The following TAF3 variants were observed in gnomAD, a reference collection of about 807,000 sequenced individuals.
TAF3 encodes TATA-box binding protein associated factor 3, also known as transcription initiation factor TFIID subunit 3.
A neutral mutation model predicts 80.6 loss-of-function variants in TAF3; 7 were observed. That is an observed-to-expected ratio of 0.09 (90% CI 0.05 to 0.16). The LOEUF is 0.16. Among genes scored for constraint, TAF3 ranks in the 10% least tolerant of loss-of-function variants. TAF3 has a pLI of 1.00. For synonymous variants in TAF3, 444 were observed against 446.1 expected (o/e 1.00, Z 0.06); for missense variants, 921 against 1,140.2 (o/e 0.81, Z 2.77).
At chr10:7,896,647 G>T (rs762029769) in intron 2 of TAF3, among the ~76,000 whole-genome samples, 32 of 152,154 alleles carry the variant, frequency 2.1e-4, no homozygotes, top group Non-Finnish European at 3.4e-4. Flanking sequence ...TTTTCCTTCA[G>T]TATTGAGCTT....
chr10:7,845,965 T>G (rs201551451), intron 2 of TAF3, among the ~76,000 whole-genome samples: 13,345 of 149,884 alleles, frequency 0.089, 713 homozygotes, highest in South Asian at 0.18. Flanking sequence ...TTTTGTTTTT[T>G]TTTTTTTTTT....
intron 2 of TAF3, among the ~76,000 whole-genome samples, chr10:7,872,644 C>T (rs565416032): frequency 2.2e-4 from 33 of 152,282 alleles, no homozygotes; most frequent in African/African-American, 6.5e-4. Context: ...TAATACAGGA[C>T]AACTAATTCT....
chr10:8,005,694 G>A (rs896933784), intron 4 of TAF3, among the ~76,000 whole-genome samples: 2 of 152,202 alleles, frequency 1.3e-5, no homozygotes, highest in African/African-American at 4.8e-5. Flanking sequence ...TCACTTGTGT[G>A]TTCAACCAGT....
intron 4 of TAF3, among the ~76,000 whole-genome samples, chr10:7,991,745 A>G (rs1831836295): frequency 6.6e-6 from 1 of 152,240 alleles, no homozygotes; most frequent in Non-Finnish European, 1.5e-5. Flanking sequence ...AAAGTACAAT[A>G]AGAATTCATA....
chr10:7,931,102 T>A (rs1364737842), intron 2 of TAF3, among the ~76,000 whole-genome samples: 1 of 152,186 alleles, frequency 6.6e-6, no homozygotes. Context: ...TGTTTTTAAT[T>A]TTTGCTTTAT....
chr10:7,836,424 G>C (rs1836853143), intron 2 of TAF3, among the ~76,000 whole-genome samples: 1 of 151,984 alleles, frequency 6.6e-6, no homozygotes, highest in Non-Finnish European at 1.5e-5. Flanking sequence ...AGAGGCATGA[G>C]CTACCAAGCC....
At chr10:7,948,572 G>A (rs1838050032) in intron 2 of TAF3, among the ~76,000 whole-genome samples, 1 of 152,042 alleles carries the variant, frequency 6.6e-6, no homozygotes, top group South Asian at 2.1e-4. Context: ...TGCTTGTTTT[G>A]TGGCTTTTGC....
Position 7,964,804 on chromosome 10 carries a change from A to C in TAF3, c.1294A>C (p.Thr432Pro), listed in dbSNP as rs1346628016. 1 of 1,614,076 alleles carries C rather than the reference A, an allele frequency of 6.2e-7. No individual in the cohort carries two copies. The highest frequency in any genetic ancestry group is 8.5e-7 in the Non-Finnish European group (1 of 1,180,058). ...TAAGAGAATTTCAGGCCCGGAGTGT[A>C]CTACTCCCAAAGCTTCCACTTCCGC... ...SPKRISGPEC[T>P]TPKASTSANN... Residue 432 changes from threonine to proline, a missense_variant, in exon 3 of 7, where the codon ACT becomes CCT. By Grantham distance (38) the Thr-to-Pro change is conservative. Coordinates refer to ENST00000344293, the MANE Select transcript of TAF3 (RefSeq NM_031923.4). The surrounding 1 kb of genome is among the most constrained non-coding windows in gnomAD (Gnocchi z 4.1).
intron 3 of TAF3, among the ~76,000 whole-genome samples, chr10:7,972,656 A>T (rs1407057294): frequency 6.6e-6 from 1 of 152,184 alleles, no homozygotes; most frequent in African/African-American, 2.4e-5. Context: ...AATCTCACTT[A>T]TGTGTTTCCA....
chr10:7,858,055 A>G (rs1837100437), intron 2 of TAF3, among the ~76,000 whole-genome samples: 1 of 152,144 alleles, frequency 6.6e-6, no homozygotes, highest in Non-Finnish European at 1.5e-5. Flanking sequence ...CGGCCTCAGT[A>G]GAATATTAAC....
intron 4 of TAF3, among the ~76,000 whole-genome samples, chr10:7,990,270 A>G (rs1388010261): frequency 1.3e-5 from 2 of 152,232 alleles, no homozygotes; most frequent in East Asian, 3.8e-4. Flanking sequence ...AATGAACAGA[A>G]TGAGTAAATC....
At chr10:7,839,637 A>G (rs900115338) in intron 2 of TAF3, among the ~76,000 whole-genome samples, 1 of 152,102 alleles carries the variant, frequency 6.6e-6, no homozygotes, top group Non-Finnish European at 1.5e-5. Context: ...AAAGGCTTGT[A>G]TTGTGGCTCT....
At chr10:7,938,442 A>AT (rs1167263171) in intron 2 of TAF3, among the ~76,000 whole-genome samples, 4 of 152,090 alleles carry the variant, frequency 2.6e-5, no homozygotes, top group Admixed American at 2.6e-4. Context: ...ATTACAGGAG[A>AT]TTTTTTGAAG....
intron 2 of TAF3, among the ~76,000 whole-genome samples, chr10:7,939,002 C>CT (rs1837951153): frequency 6.6e-6 from 1 of 152,154 alleles, no homozygotes; most frequent in Non-Finnish European, 1.5e-5. Context: ...TGGGAACTGA[C>CT]TTAGCAGAGT....
At chr10:7,901,974 C>T (rs1045417340) in intron 2 of TAF3, among the ~76,000 whole-genome samples, 4 of 152,046 alleles carry the variant, frequency 2.6e-5, no homozygotes, top group African/African-American at 9.7e-5. Context: ...TGTGTGTGCA[C>T]GTGGACGCTC....
chr10:7,992,470 T>TA (rs1257039596), intron 4 of TAF3, among the ~76,000 whole-genome samples: 1 of 152,172 alleles, frequency 6.6e-6, no homozygotes, highest in African/African-American at 2.4e-5. Context: ...CTGGAAGAGA[T>TA]ACATCTAAAA....
At chr10:7,877,734 TGACTTGGCCAAGATCTTAAAAG>T (rs1837323674) in intron 2 of TAF3, among the ~76,000 whole-genome samples, 1 of 152,056 alleles carries the variant, frequency 6.6e-6, no homozygotes, top group African/African-American at 2.4e-5. Context: ...TGTGATGAAG[TGACTTGGCCAAGATCTTAAAAG>T]CTCATTAGTG....
intron 1 of TAF3, among the ~76,000 whole-genome samples, chr10:7,823,366 C>T (rs1476395137): frequency 6.6e-6 from 1 of 151,532 alleles, no homozygotes; most frequent in Non-Finnish European, 1.5e-5. Context: ...CACATTGGCT[C>T]ATGCCTGTTA....
In TAF3 at chr10:7,842,160, T is replaced by G. The variant is rs572792000; in HGVS notation, c.409+17600T>G. On this transcript the variant is annotated intron_variant, in intron 2 of 6. Transcript: ENST00000344293. ...ATATTGAATTAATATTGTTTTTTTTTTTTGTTTTTTTTTTTGTTTTTTTTT... is the reference window on the plus strand; with the variant it reads ...ATATTGAATTAATATTGTTTTTTTTGTTTGTTTTTTTTTTTGTTTTTTTTT... 7.7e-3 allele frequency among the ~76,000 whole-genome samples: 771 copies of G among 100,372 alleles called. 4 individuals are homozygous for G. The highest frequency in any genetic ancestry group is 0.024 in the African/African-American group (642 of 26,264). The allele number at this position is 100,372 out of a possible 152,430, so 65.8% of individuals were successfully genotyped here. A position where few individuals can be genotyped will look rare whatever the true frequency, so the allele number is the denominator to read the frequency against.
Sources: allele counts gnomAD v4.1 joint callset (sites outside exome capture counted in the v4.1 genomes callset), GRCh38; gene constraint gnomAD v4.1.1; non-coding constraint Gnocchi (gnomAD v3.1); transcripts MANE v1.5; gene names NCBI Gene and HGNC (gene_info 2026-07-23, HGNC 2026-07-21).